RHOQ: variants seen among roughly 807,000 people sequenced by gnomAD.
RHOQ encodes ras homolog family member Q, also known as rho-related GTP-binding protein RhoQ.
A neutral mutation model predicts 25.8 loss-of-function variants in RHOQ; 7 were observed. The observed-to-expected ratio is 0.27, with a 90% CI of 0.15 to 0.51. RHOQ has a LOEUF of 0.51. Among genes scored for constraint, RHOQ ranks in the 20% least tolerant of loss-of-function variants. RHOQ has a pLI of 0.97. For synonymous variants in RHOQ, 97 were observed against 98.6 expected (o/e 0.98, Z 0.10); for missense variants, 165 against 260.6 (o/e 0.63, Z 2.53).
rs570748133 is a variant in RHOQ, at chr2:46,583,439, A to G, written c.*2356A>G. Among the ~76,000 whole-genome samples the G allele has an allele frequency of 2.6e-5, 4 of 152,258 alleles. No individual in the cohort carries two copies. The highest frequency in any genetic ancestry group is 4.8e-5 in the African/African-American group (2 of 41,568). ...GCTTCACATTCTCAAGATGGTAAAA[A>G]TCATGTATATAGATTATCAGAACTC... On this transcript the variant is annotated 3_prime_UTR_variant, in exon 5 of 5. Transcript: ENST00000238738.
At chr2:46,578,854 A>C (rs1315199604) in intron 4 of RHOQ, among the ~76,000 whole-genome samples, 1 of 152,106 alleles carries the variant, frequency 6.6e-6, no homozygotes, top group East Asian at 1.9e-4. Flanking sequence ...ATAAGTATTT[A>C]AGGTGATAGA....
chr2:46,555,114 C>T lies in RHOQ; in HGVS notation c.201+11302C>T, dbSNP rs941516891. 2.0e-5 allele frequency among the ~76,000 whole-genome samples: 3 copies of T among 152,210 alleles called. No homozygotes were observed. The highest frequency in any genetic ancestry group is 6.5e-5 in the Admixed American group (1 of 15,282). ...CTCTGCTTCCTTCGGACAGGGACTT[C>T]GTCCAACAGGCGAGAGCTTTGGGTA... On this transcript the variant is annotated intron_variant, in intron 2 of 4. Coordinates refer to ENST00000238738, the MANE Select transcript of RHOQ (RefSeq NM_012249.4). The surrounding 1 kb of genome is among the most constrained non-coding windows in gnomAD (Gnocchi z 4.3).
At position 46,544,297 on chromosome 2, in the gene RHOQ, G is replaced by A. The variant is rs186175244; in HGVS notation, c.201+485G>A. ...TTTATTACAACATCATTGCACTCTG[G>A]GACTCCAGTCCCTGAAAACGTAATT... On this transcript the variant is annotated intron_variant, in intron 2 of 4. Coordinates refer to ENST00000238738, the MANE Select transcript of RHOQ (RefSeq NM_012249.4). Among the ~76,000 whole-genome samples, 4 of 152,248 alleles carry A rather than the reference G, an allele frequency of 2.6e-5. No homozygotes were observed. The East Asian group carries it at 7.7e-4, about 29-fold the overall frequency.
At position 46,581,874 on chromosome 2, in the gene RHOQ, A is replaced by G. The variant is rs1669393871; in HGVS notation, c.*791A>G. The G allele has an allele frequency of 3.6e-6, 1 of 277,770 alleles. No individual in the cohort carries two copies. Among genetic ancestry groups the G allele is most frequent in the Non-Finnish European group, 6.8e-6 (1 of 147,036 alleles). The allele number at this position is 277,770 out of a possible 1,614,324, so 17.2% of individuals were successfully genotyped here. A position where few individuals can be genotyped will look rare whatever the true frequency, so the allele number is the denominator to read the frequency against. On this transcript the variant is annotated 3_prime_UTR_variant, in exon 5 of 5. Coordinates refer to ENST00000238738, the MANE Select transcript of RHOQ (RefSeq NM_012249.4). ...AAATTACAAATTAAAATTTTGGGTCAGACTTTGCCATAATGATAGACTCAA... is the reference window on the plus strand; with the variant it reads ...AAATTACAAATTAAAATTTTGGGTCGGACTTTGCCATAATGATAGACTCAA...
chr2:46,563,091 A>T (rs1668622395), intron 2 of RHOQ, among the ~76,000 whole-genome samples: 1 of 152,214 alleles, frequency 6.6e-6, no homozygotes, highest in South Asian at 2.1e-4. Flanking sequence ...AAAGGTAAGT[A>T]ACTTGTGCCC....
chr2:46,563,930 G>A (rs372368693), intron 2 of RHOQ, among the ~76,000 whole-genome samples: 193 of 151,926 alleles, frequency 1.3e-3, no homozygotes, highest in African/African-American at 3.8e-3. Flanking sequence ...GATTATAGGC[G>A]TGGGCCACCA....
intron 2 of RHOQ, among the ~76,000 whole-genome samples, chr2:46,561,812 T>A (rs1668588429): frequency 6.6e-6 from 1 of 152,176 alleles, no homozygotes; most frequent in African/African-American, 2.4e-5. Flanking sequence ...CCCCTCCCTC[T>A]GCACCGCATT....
intron 2 of RHOQ, among the ~76,000 whole-genome samples, chr2:46,575,399 TCACACACACACACACACACACACA>T (rs56002979): frequency 1.1e-4 from 15 of 138,228 alleles, no homozygotes; most frequent in Non-Finnish European, 1.6e-4. Context: ...CTTTAAATCT[TCACACACACACACACACACACACA>T]CACACACACA....
chr2:46,568,870 T>A (rs1476747752), intron 2 of RHOQ: 1 of 152,222 alleles, frequency 6.6e-6, no homozygotes, highest in Non-Finnish European at 1.5e-5. Flanking sequence ...TGCCAGATAT[T>A]TGTGGAGTGA....
chr2:46,570,890 T>C (rs1200712477), intron 2 of RHOQ, among the ~76,000 whole-genome samples: 3 of 152,238 alleles, frequency 2.0e-5, no homozygotes, highest in African/African-American at 4.8e-5. Flanking sequence ...AGGAAAACTC[T>C]AGTAGGTTTT....
chr2:46,566,690 A>T lies in RHOQ; in HGVS notation c.202-9397A>T, dbSNP rs1572748425. Among the ~76,000 whole-genome samples the T allele has an allele frequency of 6.6e-6, 1 of 150,994 alleles. No individual in the cohort carries two copies. Among genetic ancestry groups the T allele is most frequent in the Non-Finnish European group, 1.5e-5 (1 of 67,804 alleles). On this transcript the variant is annotated intron_variant, in intron 2 of 4. Coordinates refer to ENST00000238738, the MANE Select transcript of RHOQ (RefSeq NM_012249.4). This position sits in a 1 kb window ranked among gnomAD's most constrained non-coding sequence, Gnocchi z 4.2. ...GGGCCCTGCAGAGGGGTCCAAGCTG[A>T]CTCCCTCTCCAGCCCCACCTGTCAC... is the stretch of plus-strand genomic sequence containing the variant.
At position 46,555,412 on chromosome 2, in the gene RHOQ, G is replaced by A. The variant is rs1299165316; in HGVS notation, c.201+11600G>A. ...TTGGGGGCCCCAGTAGGAACTAGGT[G>A]TGTGTTAAATTTAGGGGAGTCTGGT... On this transcript the variant is annotated intron_variant, in intron 2 of 4. Transcript: ENST00000238738. The surrounding 1 kb of genome is among the most constrained non-coding windows in gnomAD (Gnocchi z 4.3). 1.3e-5 allele frequency among the ~76,000 whole-genome samples: 2 copies of A among 152,222 alleles called. No homozygotes were observed. The highest frequency in any genetic ancestry group is 2.9e-5 in the Non-Finnish European group (2 of 68,042).
chr2:46,575,683 C>G (rs1220997057), intron 2 of RHOQ, among the ~76,000 whole-genome samples: 4 of 152,062 alleles, frequency 2.6e-5, no homozygotes, highest in Admixed American at 6.6e-5. Context: ...ATAAGTAATC[C>G]ATGAGAGAGC....
intron 2 of RHOQ, among the ~76,000 whole-genome samples, chr2:46,558,747 C>T (rs1032178991): frequency 2.6e-5 from 4 of 152,200 alleles, no homozygotes; most frequent in African/African-American, 9.7e-5. Flanking sequence ...TTCCACTATT[C>T]AGATGCTGGA....
rs1199144711 is a variant in RHOQ, at chr2:46,558,306, C to G, written c.201+14494C>G. ...CTCAGGTCTTACTGGTTTATTTCCT[C>G]ACTTTGGTGGAATGTATATTTTATT... On this transcript the variant is annotated intron_variant, in intron 2 of 4. Transcript: ENST00000238738. Among the ~76,000 whole-genome samples the G allele has an allele frequency of 2.6e-5, 4 of 152,208 alleles. No homozygotes were observed. The East Asian group carries it at 5.8e-4, about 22-fold the overall frequency.
chr2:46,567,195 G>T (rs1352581417), intron 2 of RHOQ, among the ~76,000 whole-genome samples: 1 of 152,008 alleles, frequency 6.6e-6, no homozygotes, highest in South Asian at 2.1e-4. Context: ...AACTCCCAAG[G>T]CTGACTACTC....
At chr2:46,577,544 T>A (rs560781384) in intron 4 of RHOQ, among the ~76,000 whole-genome samples, 9 of 148,088 alleles carry the variant, frequency 6.1e-5, no homozygotes, top group Admixed American at 4.7e-4. Context: ...GGACTACAGG[T>A]GCCTGCCACC....
intron 4 of RHOQ, among the ~76,000 whole-genome samples, chr2:46,578,569 CAAAAAAAAAAAAAAAAAAAAAAA>C (rs755333304): frequency 0.01 from 250 of 24,078 alleles, 6 homozygotes; most frequent in African/African-American, 0.034. Flanking sequence ...CCATCTCTAC[CAAAAAAAAAAAAAAAAAAAAAAA>C]AAAAAAAAAA....
chr2:46,580,825 T>G, intron 4 of RHOQ, 103 bp from the exon 5 acceptor site: 1 of 809,378 alleles, frequency 1.2e-6, no homozygotes, highest in Non-Finnish European at 1.8e-6. Flanking sequence ...GTATTCTTTT[T>G]GCATAGCTGT....
Sources: gnomAD v4.1 joint callset for allele counts (sites outside exome capture counted in the v4.1 genomes callset) on GRCh38, gnomAD v4.1.1 for gene constraint, Gnocchi (gnomAD v3.1) non-coding constraint, MANE v1.5 for transcripts, NCBI Gene and HGNC (gene_info 2026-07-23, HGNC 2026-07-21) for gene names.